The following ST6GAL2 variants were observed in gnomAD, a reference collection of about 807,000 sequenced individuals.
ST6GAL2 encodes the protein ST6 beta-galactoside alpha-2,6-sialyltransferase 2, also known as beta-galactoside alpha-2,6-sialyltransferase 2.
Under a neutral mutation model 37.5 loss-of-function variants are expected in ST6GAL2, and 24 were observed. The observed-to-expected ratio is 0.64, with a 90% CI of 0.46 to 0.90. The LOEUF is 0.90. ST6GAL2 is among the 40% of genes least tolerant of loss of function. ST6GAL2 has a pLI of 0.00. For synonymous variants in ST6GAL2, 306 were observed against 295.1 expected, an observed-to-expected ratio of 1.04 and a Z score of -0.38; for missense variants, 715 against 712.7, an observed-to-expected ratio of 1.00 and a Z score of -0.04.
At chr2:106,849,865 A>G (rs565835725) in intron 1 of ST6GAL2, among the ~76,000 whole-genome samples, 55 of 152,338 alleles carry the variant, frequency 3.6e-4, no homozygotes, top group African/African-American at 1.3e-3. Flanking sequence ...ACGACTTATA[A>G]ACCCGCATTT....
At chr2:106,881,027 C>T (rs1232106208) in intron 1 of ST6GAL2, among the ~76,000 whole-genome samples, 2 of 149,610 alleles carry the variant, frequency 1.3e-5, no homozygotes, top group Non-Finnish European at 3.0e-5. Context: ...ACTCTGTCAC[C>T]CAGGCTGGAG....
chr2:106,807,651 C>T (rs538952763), intron 5 of ST6GAL2, among the ~76,000 whole-genome samples: 6 of 127,118 alleles, frequency 4.7e-5, no homozygotes, highest in African/African-American at 1.2e-4. Context: ...TTTTTTGAGA[C>T]GGAGTCTCAC....
chr2:106,823,743 T>C (rs1384279034), intron 5 of ST6GAL2, among the ~76,000 whole-genome samples: 1 of 152,190 alleles, frequency 6.6e-6, no homozygotes, highest in Non-Finnish European at 1.5e-5. Flanking sequence ...CTCATAGTTT[T>C]AGGGGCCTGA....
chr2:106,873,645 A>C (rs923171885), intron 1 of ST6GAL2, among the ~76,000 whole-genome samples: 1 of 152,254 alleles, frequency 6.6e-6, no homozygotes, highest in Non-Finnish European at 1.5e-5. Context: ...TGAAGGAAGA[A>C]ACAAAGATGC....
intron 1 of ST6GAL2, among the ~76,000 whole-genome samples, chr2:106,876,191 T>G (rs1020463234): frequency 3.9e-5 from 6 of 152,208 alleles, no homozygotes; most frequent in African/African-American, 1.4e-4. Context: ...CCAGCATTAT[T>G]TTTAATAAAC....
At chr2:106,861,327 T>A (rs529852432) in intron 1 of ST6GAL2, among the ~76,000 whole-genome samples, 1 of 152,210 alleles carries the variant, frequency 6.6e-6, no homozygotes, top group Admixed American at 6.5e-5. Flanking sequence ...CTTTGACCTA[T>A]AGAAATCTCT....
At chr2:106,811,391 C>T (rs912561337) in intron 5 of ST6GAL2, among the ~76,000 whole-genome samples, 3 of 152,054 alleles carry the variant, frequency 2.0e-5, no homozygotes, top group Non-Finnish European at 4.4e-5. Context: ...GTAGATACTG[C>T]AGGCAGACAG....
At chr2:106,882,548 A>C (rs1678796824) in intron 1 of ST6GAL2, among the ~76,000 whole-genome samples, 1 of 152,176 alleles carries the variant, frequency 6.6e-6, no homozygotes, top group African/African-American at 2.4e-5. Context: ...GCTGCACAGG[A>C]ATTAGCTTTT....
chr2:106,858,848 A>C (rs529496211), intron 1 of ST6GAL2, among the ~76,000 whole-genome samples: 1 of 152,280 alleles, frequency 6.6e-6, no homozygotes, highest in East Asian at 1.9e-4. Flanking sequence ...CTGGAAATGG[A>C]AGCACTGTGA....
At chr2:106,823,696 A>G (rs1252328649) in intron 5 of ST6GAL2, among the ~76,000 whole-genome samples, 1 of 152,162 alleles carries the variant, frequency 6.6e-6, no homozygotes, top group Non-Finnish European at 1.5e-5. Flanking sequence ...CCAAAATGCA[A>G]TAAACTGGGT....
At position 106,804,304 on chromosome 2, in the gene ST6GAL2, A is replaced by G. The variant is rs574735270; in HGVS notation, c.*2374T>C. 2 of 152,276 alleles carry G rather than the reference A, an allele frequency of 1.3e-5. No homozygotes were observed. The highest frequency in any genetic ancestry group is 3.9e-4 in the East Asian group (2 of 5,182). The allele number at this position is 152,276 out of a possible 1,614,324, so 9.4% of individuals were successfully genotyped here. On this transcript the variant is annotated 3_prime_UTR_variant, in exon 6 of 6. Coordinates refer to ENST00000409382, the MANE Select transcript of ST6GAL2 (RefSeq NM_001142351.2). ...ACTGACCCCAATAAATTCTCCTCTA[A>G]CCAAGTTCTCATGTCAGCCAAGGGG...
intron 1 of ST6GAL2, among the ~76,000 whole-genome samples, chr2:106,859,056 C>T (rs1220180379): frequency 6.6e-6 from 1 of 152,202 alleles, no homozygotes; most frequent in African/African-American, 2.4e-5. Flanking sequence ...TGCGACAGTA[C>T]AACATATGTG....
At chr2:106,867,168 TCTAATTTCGCACAGGGTCCCACAGC>T (rs1232832631) in intron 1 of ST6GAL2, among the ~76,000 whole-genome samples, 1 of 152,204 alleles carries the variant, frequency 6.6e-6, no homozygotes, top group East Asian at 1.9e-4. Flanking sequence ...GGCTCCACAT[TCTAATTTCGCACAGGGTCCCACAGC>T]CAGCCCTGGC....
At chr2:106,871,357 A>G (rs1280582339) in intron 1 of ST6GAL2, among the ~76,000 whole-genome samples, 1 of 152,196 alleles carries the variant, frequency 6.6e-6, no homozygotes, top group African/African-American at 2.4e-5. Context: ...TGTAGACTTT[A>G]TAAACACTGT....
intron 5 of ST6GAL2, among the ~76,000 whole-genome samples, chr2:106,826,058 T>C (rs1195176518): frequency 6.6e-6 from 1 of 152,042 alleles, no homozygotes; most frequent in Non-Finnish European, 1.5e-5. Flanking sequence ...TTCAAAAGAG[T>C]CAACTTTTAG....
In ST6GAL2 at chr2:106,886,157, A is replaced by AGC. The variant is rs1229845700; in HGVS notation, c.-124_-123dup. 6.6e-6 allele frequency: 1 copy of AGC among 152,264 alleles called. No homozygotes were observed. Among genetic ancestry groups the AGC allele is most frequent in the Non-Finnish European group, 1.5e-5 (1 of 68,102 alleles). 9.4% of individuals were successfully genotyped at this position (152,264 alleles called of 1,614,324 possible). A position where few individuals can be genotyped will look rare whatever the true frequency, so the allele number is the denominator to read the frequency against. On this transcript the variant is annotated 5_prime_UTR_variant, in exon 1 of 6. Coordinates refer to ENST00000409382, the MANE Select transcript of ST6GAL2 (RefSeq NM_001142351.2). The stretch of plus-strand genomic sequence containing the variant: ...CGTGGTGCTCGGTGCTCCCCCTGGC[A>AGC]GCGCGGCACTGGAGTCCAAGGCGTG...
At chr2:106,874,478 A>G (rs1678415184) in intron 1 of ST6GAL2, among the ~76,000 whole-genome samples, 1 of 152,184 alleles carries the variant, frequency 6.6e-6, no homozygotes, top group African/African-American at 2.4e-5. Flanking sequence ...TCGGTATGCA[A>G]TGGACGACGA....
At chr2:106,884,546 T>A (rs111633364) in intron 1 of ST6GAL2, among the ~76,000 whole-genome samples, 137 of 152,190 alleles carry the variant, frequency 9.0e-4, no homozygotes, top group African/African-American at 3.1e-3. Flanking sequence ...CCTATCACAA[T>A]CTCTACAAGA....
At chr2:106,813,389 T>C (rs571220278) in intron 5 of ST6GAL2, among the ~76,000 whole-genome samples, 1 of 152,338 alleles carries the variant, frequency 6.6e-6, no homozygotes, top group East Asian at 1.9e-4. Context: ...TAAAATGTCA[T>C]GTTATATGAT....
Sources: gnomAD v4.1 joint callset for allele counts (sites outside exome capture counted in the v4.1 genomes callset) on GRCh38, gnomAD v4.1.1 for gene constraint, MANE v1.5 for transcripts, NCBI Gene and HGNC (gene_info 2026-07-23, HGNC 2026-07-21) for gene names.